SV2C: variants seen among roughly 807,000 people sequenced by gnomAD.
SV2C encodes solute carrier family 22 member B3.
SV2C carries 49 observed loss-of-function variants against 79.7 expected under a neutral mutation model. The ratio of observed to expected loss-of-function variants is 0.61; its 90% CI spans 0.49 to 0.78. The LOEUF (loss-of-function observed/expected upper bound fraction) is 0.78, where lower values mean the gene tolerates loss of function less well. Ranked by LOEUF, SV2C falls within the 30% of genes least tolerant of loss-of-function variation. The pLI is 0.00. For missense variants in SV2C, 833 were observed against 912.9 expected, an observed-to-expected ratio of 0.91 and a Z score of 1.13; for synonymous variants, 334 against 333.2, an observed-to-expected ratio of 1.00 and a Z score of -0.03.
intron 12 of SV2C, among the ~76,000 whole-genome samples, chr5:76,349,356 T>C (rs1409140636): frequency 1.3e-5 from 2 of 151,934 alleles, no homozygotes; most frequent in African/African-American, 4.8e-5. Flanking sequence ...CTACTAAAAA[T>C]ACAAAAATTA....
the SV2C span, among the ~76,000 whole-genome samples, chr5:75,940,257 G>C: frequency 6.6e-6 from 1 of 152,050 alleles, no homozygotes; most frequent in African/African-American, 2.4e-5. Flanking sequence ...CGGGCTACTT[G>C]GGAGGCTGAT....
the SV2C span, among the ~76,000 whole-genome samples, chr5:75,954,508 A>C: frequency 3.0e-4 from 45 of 151,690 alleles, no homozygotes; most frequent in Non-Finnish European, 4.4e-4. Context: ...CTCTCTCACC[A>C]CTCCTATTCA....
At chr5:75,886,330 T>A in the SV2C span, among the ~76,000 whole-genome samples, 4 of 152,254 alleles carry the variant, frequency 2.6e-5, no homozygotes, top group African/African-American at 9.6e-5. Context: ...TCTTTTACGT[T>A]CCCCTTCCCC....
rs1747871345 is a variant in SV2C, at chr5:76,298,817, C to G, written c.1526C>G (p.Ser509Cys). ...NGRFIGVKFK[S>C]VTFKDSVFKS... ...AGATTCATAGGGGTCAAGTTCAAAT[C>G]TGTAACTTTCAAAGACTCTGTTTTT... The change falls in exon 10 of 13, where the codon TCT (serine) becomes TGT (cysteine). Residue 509 changes from serine to cysteine, a missense_variant. Ser to Cys is a moderately radical substitution (Grantham distance 112). Transcript: ENST00000502798. 4 of 1,613,898 alleles carry G rather than the reference C, an allele frequency of 2.5e-6. No individual in the cohort carries two copies. The highest frequency in any genetic ancestry group is 3.4e-6 in the Non-Finnish European group (4 of 1,179,842).
At chr5:76,351,992 C>T (rs1749651536) in intron 12 of SV2C, among the ~76,000 whole-genome samples, 1 of 152,188 alleles carries the variant, frequency 6.6e-6, no homozygotes, top group African/African-American at 2.4e-5. Context: ...GTGGGTGGAT[C>T]ACCTGAGGTC....
chr5:75,902,324 T>C, the SV2C span, among the ~76,000 whole-genome samples: 1 of 152,276 alleles, frequency 6.6e-6, no homozygotes, highest in Non-Finnish European at 1.5e-5. Flanking sequence ...CACTAACACA[T>C]AGGAAATCTT....
chr5:76,286,022 C>A, intron 6 of SV2C, 152 bp downstream of exon 6: 1 of 598,652 alleles, frequency 1.7e-6, no homozygotes, highest in South Asian at 2.3e-5. Flanking sequence ...CAGCCATAGG[C>A]AATGTTAAAA....
At chr5:76,261,349 C>G (rs911506891) in intron 4 of SV2C, among the ~76,000 whole-genome samples, 1 of 152,098 alleles carries the variant, frequency 6.6e-6, no homozygotes, top group South Asian at 2.1e-4. Context: ...TGGGCTGAGA[C>G]GATAGGGTTT....
chr5:76,262,286 CTTTT>C (rs1746495092), intron 4 of SV2C, among the ~76,000 whole-genome samples: 1 of 152,054 alleles, frequency 6.6e-6, no homozygotes, highest in Admixed American at 6.6e-5. Flanking sequence ...GGTGATATCC[CTTTT>C]TTTGTTTTTT....
intron 4 of SV2C, chr5:76,281,196 G>T (rs878968304): frequency 1.1e-5 from 6 of 533,062 alleles, no homozygotes; most frequent in Non-Finnish European, 2.3e-5. Context: ...AAAGTAAGCC[G>T]ACAAACAGAA....
intron 1 of SV2C, among the ~76,000 whole-genome samples, chr5:76,102,991 T>C (rs543108017): frequency 8.3e-4 from 126 of 152,308 alleles, no homozygotes; most frequent in Middle Eastern, 3.4e-3. Flanking sequence ...CTATTGGACG[T>C]TGACAAAGTG....
At chr5:75,933,520 C>G in the SV2C span, among the ~76,000 whole-genome samples, 1 of 152,166 alleles carries the variant, frequency 6.6e-6, no homozygotes, top group African/African-American at 2.4e-5. Context: ...AGTCTCCTGG[C>G]TGTTTCTCTT....
At chr5:76,337,129 C>G (rs941670872), downstream of SV2C, among the ~76,000 whole-genome samples, 1 of 152,072 alleles carries the variant, frequency 6.6e-6, no homozygotes, top group African/African-American at 2.4e-5. Flanking sequence ...GACTGGGTGG[C>G]TTAAGCAACC....
At chr5:75,880,146 G>T in the SV2C span, among the ~76,000 whole-genome samples, 2 of 152,148 alleles carry the variant, frequency 1.3e-5, no homozygotes, top group East Asian at 3.9e-4. Context: ...CCTGTTATGG[G>T]AGGGGCTGCC....
chr5:76,176,400 C>T (rs1390869085), intron 2 of SV2C, among the ~76,000 whole-genome samples: 4 of 152,264 alleles, frequency 2.6e-5, no homozygotes, highest in Admixed American at 2.6e-4. Context: ...GAATTTATGT[C>T]CTTGTGCTCT....
chr5:76,269,069 C>T (rs1047842141), intron 4 of SV2C, among the ~76,000 whole-genome samples: 2 of 152,162 alleles, frequency 1.3e-5, no homozygotes, highest in African/African-American at 4.8e-5. Flanking sequence ...GTGACTAGTT[C>T]ACAGCAAGAT....
chr5:76,289,389 A>G (rs892452025), intron 6 of SV2C, among the ~76,000 whole-genome samples: 2 of 152,046 alleles, frequency 1.3e-5, no homozygotes, highest in Admixed American at 1.3e-4. Context: ...ATCCTTCTAG[A>G]TCACATAGGC....
chr5:76,158,257 T>C (rs1432959711), intron 2 of SV2C, among the ~76,000 whole-genome samples: 1 of 151,864 alleles, frequency 6.6e-6, no homozygotes, highest in Non-Finnish European at 1.5e-5. Context: ...AAACAATCTT[T>C]AGTTAAAAAC....
At chr5:75,994,713 A>G in the SV2C span, among the ~76,000 whole-genome samples, 1 of 152,178 alleles carries the variant, frequency 6.6e-6, no homozygotes, top group African/African-American at 2.4e-5. Context: ...CTCCAGAGAA[A>G]CAGAACCAGT....
Sources: gnomAD v4.1 joint callset for allele counts (sites outside exome capture counted in the v4.1 genomes callset) on GRCh38, gnomAD v4.1.1 for gene constraint, MANE v1.5 for transcripts, NCBI Gene and HGNC (gene_info 2026-07-23, HGNC 2026-07-21) for gene names.